Variants in ACSS3 observed in about 807,000 individuals in gnomAD.
The protein encoded by ACSS3 is acyl-CoA synthetase short chain family member 3.
In ACSS3, 64 loss-of-function variants were observed where a neutral mutation model predicts 84.2. The observed-to-expected ratio is 0.76, with a 90% CI of 0.62 to 0.94. The LOEUF is 0.94. ACSS3 is among the 40% of genes least tolerant of loss of function. The pLI, the probability that ACSS3 is intolerant of heterozygous loss-of-function variation, is 0.00. For synonymous variants in ACSS3, 317 were observed against 310.1 expected, an observed-to-expected ratio of 1.02 and a Z score of -0.23; for missense variants, 815 against 867.6, an observed-to-expected ratio of 0.94 and a Z score of 0.76.
intron 8 of ACSS3, among the ~76,000 whole-genome samples, chr12:81,185,130 A>T (rs1179701250): frequency 6.6e-6 from 1 of 151,688 alleles, no homozygotes; most frequent in African/African-American, 2.4e-5. Flanking sequence ...TAATTAACAT[A>T]AAAAAAGCAT....
At chr12:81,083,701 G>A (rs1161152795) in intron 1 of ACSS3, among the ~76,000 whole-genome samples, 1 of 151,962 alleles carries the variant, frequency 6.6e-6, no homozygotes, top group Non-Finnish European at 1.5e-5. Flanking sequence ...GCAGGGCGCA[G>A]CAGCTCACGC....
At chr12:81,105,976 G>A (rs76743816) in intron 1 of ACSS3, among the ~76,000 whole-genome samples, 2 of 152,140 alleles carry the variant, frequency 1.3e-5, no homozygotes, top group Non-Finnish European at 2.9e-5. Context: ...TGAATTCAAG[G>A]AACTGCAAAG....
intron 1 of ACSS3, among the ~76,000 whole-genome samples, chr12:81,099,107 T>A (rs10778788): frequency 0.73 from 110,853 of 151,964 alleles, 42,489 homozygotes; most frequent in Non-Finnish European, 0.86. Context: ...TTCTTATGAG[T>A]TAATGAATTT....
intron 7 of ACSS3, among the ~76,000 whole-genome samples, chr12:81,173,147 G>T (rs991481981): frequency 8.5e-5 from 13 of 152,142 alleles, no homozygotes; most frequent in African/African-American, 2.9e-4. Flanking sequence ...TATCAAAAAA[G>T]TAAAAATAAA....
chr12:81,147,476 A>C (rs906201724), intron 5 of ACSS3, among the ~76,000 whole-genome samples: 1 of 152,220 alleles, frequency 6.6e-6, no homozygotes, highest in Non-Finnish European at 1.5e-5. Context: ...AAGGCACAGC[A>C]CTAGGTGGGG....
chr12:81,156,728 A>G (rs10862250), intron 7 of ACSS3, among the ~76,000 whole-genome samples: 30,051 of 152,128 alleles, frequency 0.2, 3,346 homozygotes, highest in East Asian at 0.4. Context: ...CTCAAAAACC[A>G]TAAACTCACC....
At chr12:81,120,436 T>C (rs1884484630) in intron 2 of ACSS3, among the ~76,000 whole-genome samples, 1 of 152,188 alleles carries the variant, frequency 6.6e-6, no homozygotes, top group Admixed American at 6.5e-5. Context: ...TTTCTGTTTC[T>C]GACCTTTAAA....
At chr12:81,150,615 T>C (rs934446642) in intron 5 of ACSS3, among the ~76,000 whole-genome samples, 3 of 152,136 alleles carry the variant, frequency 2.0e-5, no homozygotes, top group Non-Finnish European at 4.4e-5. Context: ...ATCTAGAAAA[T>C]AGCTCTCAAA....
At chr12:81,241,827 G>C (rs1432473990) in intron 13 of ACSS3, among the ~76,000 whole-genome samples, 1 of 152,068 alleles carries the variant, frequency 6.6e-6, no homozygotes, top group Non-Finnish European at 1.5e-5. Flanking sequence ...CTGTGCAGAA[G>C]CTCTTTAGTT....
intron 9 of ACSS3, among the ~76,000 whole-genome samples, chr12:81,205,452 C>G (rs919422831): frequency 6.6e-6 from 1 of 151,948 alleles, no homozygotes; most frequent in East Asian, 1.9e-4. Flanking sequence ...TTTAAGACAG[C>G]AATACATTCT....
intron 1 of ACSS3, among the ~76,000 whole-genome samples, chr12:81,083,126 T>C (rs1319315560): frequency 6.6e-6 from 1 of 152,184 alleles, no homozygotes; most frequent in Non-Finnish European, 1.5e-5. Flanking sequence ...AGCTGGCTTT[T>C]AGTGGCTTGT....
intron 1 of ACSS3, among the ~76,000 whole-genome samples, chr12:81,081,930 C>T (rs1020111637): frequency 2.6e-5 from 4 of 152,134 alleles, no homozygotes; most frequent in African/African-American, 9.7e-5. Flanking sequence ...CCTGCCAAGT[C>T]TTAAAATGGC....
intron 11 of ACSS3, among the ~76,000 whole-genome samples, chr12:81,223,644 G>A (rs1427229341): frequency 6.6e-6 from 1 of 151,924 alleles, no homozygotes; most frequent in East Asian, 1.9e-4. Context: ...TCACATTATT[G>A]CCCAGTCTTT....
intron 13 of ACSS3, among the ~76,000 whole-genome samples, chr12:81,233,921 A>G (rs924200997): frequency 6.6e-6 from 1 of 151,606 alleles, no homozygotes; most frequent in Non-Finnish European, 1.5e-5. Flanking sequence ...TTAAAAACTT[A>G]TTCCTATGGA....
intron 2 of ACSS3, among the ~76,000 whole-genome samples, chr12:81,114,939 T>A (rs4379901): frequency 0.04 from 6,135 of 152,206 alleles, 299 homozygotes; most frequent in African/African-American, 0.11. Flanking sequence ...CCTACATGAT[T>A]GCTATTCAGA....
chr12:81,092,753 C>A (rs4254130), intron 1 of ACSS3, among the ~76,000 whole-genome samples: 141,271 of 152,198 alleles, frequency 0.93, 66,281 homozygotes, highest in Non-Finnish European at 1. Context: ...ACTGTATTCA[C>A]GTTTCAAATT....
intron 11 of ACSS3, among the ~76,000 whole-genome samples, chr12:81,227,901 C>A (rs923998553): frequency 1.3e-5 from 2 of 151,742 alleles, no homozygotes; most frequent in African/African-American, 4.8e-5. Flanking sequence ...ACTTCTCACT[C>A]TTTTTCTTAT....
At chr12:81,102,458 G>A (rs1882594965) in intron 1 of ACSS3, among the ~76,000 whole-genome samples, 1 of 152,112 alleles carries the variant, frequency 6.6e-6, no homozygotes, top group South Asian at 2.1e-4. Context: ...AGCATAAGTG[G>A]GGGAGGGCAT....
chr12:81,196,430 T>C (rs2031831648), intron 8 of ACSS3, among the ~76,000 whole-genome samples: 1 of 152,216 alleles, frequency 6.6e-6, no homozygotes, highest in Non-Finnish European at 1.5e-5. Flanking sequence ...ACATTTTGGA[T>C]ATATGTATTT....
Sources: gnomAD v4.1 joint callset for allele counts (sites outside exome capture counted in the v4.1 genomes callset) on GRCh38, gnomAD v4.1.1 for gene constraint, MANE v1.5 for transcripts, NCBI Gene and HGNC (gene_info 2026-07-23, HGNC 2026-07-21) for gene names.